The following RAB10 variants were observed in gnomAD, a reference collection of about 807,000 sequenced individuals.
RAB10 encodes RAB10, member RAS oncogene family.
RAB10 carries 5 observed loss-of-function variants against 25.7 expected under a neutral mutation model. The ratio of observed to expected loss-of-function variants is 0.19; its 90% CI spans 0.10 to 0.41. The LOEUF is 0.41. Ranked by LOEUF, RAB10 falls within the 10% of genes least tolerant of loss-of-function variation. The pLI is 1.00. For synonymous variants in RAB10, 89 were observed against 86.4 expected (o/e 1.03, Z -0.16); for missense variants, 103 against 245.8 (o/e 0.42, Z 3.89).
At chr2:26,069,165 C>A (rs1054604852) in intron 1 of RAB10, among the ~76,000 whole-genome samples, 22 of 152,274 alleles carry the variant, frequency 1.4e-4, no homozygotes, top group African/African-American at 4.3e-4. Flanking sequence ...AGGTGGTTTT[C>A]ATTTCTGCAG....
intron 1 of RAB10, among the ~76,000 whole-genome samples, chr2:26,044,059 C>T (rs898884104): frequency 6.6e-6 from 1 of 152,106 alleles, no homozygotes; most frequent in Non-Finnish European, 1.5e-5. Context: ...TGAAAAGGCT[C>T]TGGAGATCTG....
intron 1 of RAB10, among the ~76,000 whole-genome samples, chr2:26,051,853 C>A (rs1225762433): frequency 3.3e-5 from 5 of 150,368 alleles, no homozygotes; most frequent in African/African-American, 1.2e-4. Context: ...GTCAGGAGTT[C>A]CAAGACCAGC....
chr2:26,134,328 A>G (rs1022931937), intron 5 of RAB10, among the ~76,000 whole-genome samples: 6 of 151,856 alleles, frequency 4.0e-5, no homozygotes, highest in South Asian at 4.2e-4. Flanking sequence ...GTGTTGCCCA[A>G]CGTGGTTTTA....
intron 1 of RAB10, among the ~76,000 whole-genome samples, chr2:26,040,242 C>T (rs893181926): frequency 2.6e-5 from 4 of 152,192 alleles, no homozygotes; most frequent in Non-Finnish European, 4.4e-5. Flanking sequence ...GCCTCGAACT[C>T]CTGGGCTTAA....
chr2:26,047,902 T>A (rs577552494), intron 1 of RAB10, among the ~76,000 whole-genome samples: 103 of 151,904 alleles, frequency 6.8e-4, no homozygotes, highest in Non-Finnish European at 1.1e-3. Context: ...TTTTTTGTAT[T>A]TTTAGTGGAG....
chr2:26,123,502 G>C (rs1574562750), intron 3 of RAB10, among the ~76,000 whole-genome samples: 1 of 152,314 alleles, frequency 6.6e-6, no homozygotes, highest in Admixed American at 6.5e-5. Flanking sequence ...TACCGATGTT[G>C]AGCATGATTT....
chr2:26,136,563 G>A lies in RAB10; in HGVS notation c.*1542G>A, dbSNP rs1668117709. The A allele has an allele frequency of 6.6e-6, 1 of 152,540 alleles. No homozygotes were observed. The highest frequency in any genetic ancestry group is 2.1e-4 in the South Asian group (1 of 4,820). 9.4% of individuals were successfully genotyped at this position (152,540 alleles called of 1,614,324 possible). A position where few individuals can be genotyped will look rare whatever the true frequency, so the allele number is the denominator to read the frequency against. On this transcript the variant is annotated 3_prime_UTR_variant, in exon 6 of 6. Transcript: ENST00000264710. Reference sequence around the variant, plus strand: ...GTTTTGCTTCATTGCTTATCATTAGGATAGGGTAAGTGAAGTTTGCTATGC... The same window carrying A: ...GTTTTGCTTCATTGCTTATCATTAGAATAGGGTAAGTGAAGTTTGCTATGC...
intron 1 of RAB10, among the ~76,000 whole-genome samples, chr2:26,043,000 A>T (rs896539277): frequency 2.6e-5 from 4 of 152,198 alleles, no homozygotes; most frequent in African/African-American, 9.6e-5. Context: ...ACCTTGGTGC[A>T]TTGCTGGTGG....
intron 1 of RAB10, among the ~76,000 whole-genome samples, chr2:26,037,533 G>A (rs886630105): frequency 6.6e-6 from 1 of 152,074 alleles, no homozygotes; most frequent in Non-Finnish European, 1.5e-5. Context: ...CAGTTACTCA[G>A]GAGGCTGAGG....
chr2:26,094,510 T>C (rs1667170542), intron 1 of RAB10, among the ~76,000 whole-genome samples: 1 of 152,040 alleles, frequency 6.6e-6, no homozygotes, highest in Non-Finnish European at 1.5e-5. Flanking sequence ...CCTCAGCCTC[T>C]GAACGTGCTG....
At chr2:26,042,699 C>T (rs147853444) in intron 1 of RAB10, 2 of 151,560 alleles carry the variant, frequency 1.3e-5, no homozygotes, top group African/African-American at 2.4e-5. Context: ...AGCATATATA[C>T]TAAAATTGGA....
intron 1 of RAB10, among the ~76,000 whole-genome samples, chr2:26,071,149 T>C (rs1424750478): frequency 6.6e-6 from 1 of 152,228 alleles, no homozygotes. Context: ...TATATCTTTT[T>C]GGTGTATGAT....
At chr2:26,121,253 G>A (rs560043845) in intron 3 of RAB10, among the ~76,000 whole-genome samples, 105 of 152,176 alleles carry the variant, frequency 6.9e-4, no homozygotes, top group African/African-American at 2.1e-3. Context: ...TAAGGGTATC[G>A]TCCTTGCAAC....
intron 1 of RAB10, among the ~76,000 whole-genome samples, chr2:26,089,862 T>C (rs1217250456): frequency 6.6e-6 from 1 of 152,126 alleles, no homozygotes; most frequent in Non-Finnish European, 1.5e-5. Flanking sequence ...GTACTATAAT[T>C]GCATTTTCTT....
At chr2:26,085,554 C>G (rs969087617) in intron 1 of RAB10, among the ~76,000 whole-genome samples, 6 of 151,434 alleles carry the variant, frequency 4.0e-5, no homozygotes, top group African/African-American at 1.5e-4. Flanking sequence ...GACCTTCTTC[C>G]AAGTGTATTT....
chr2:26,079,776 T>C (rs2117278), intron 1 of RAB10, among the ~76,000 whole-genome samples: 117,170 of 151,994 alleles, frequency 0.77, 45,201 homozygotes, highest in East Asian at 0.87. Flanking sequence ...AGTGATCCTC[T>C]TGCCTTAGCC....
At chr2:26,052,025 C>G (rs1163401324) in intron 1 of RAB10, among the ~76,000 whole-genome samples, 3 of 151,730 alleles carry the variant, frequency 2.0e-5, no homozygotes. Context: ...CCACTGCACT[C>G]CAGCCTGGGC....
chr2:26,075,359 G>C (rs887887247), intron 1 of RAB10, among the ~76,000 whole-genome samples: 1 of 152,104 alleles, frequency 6.6e-6, no homozygotes, highest in African/African-American at 2.4e-5. Context: ...ATTAAGTCAT[G>C]TATTGCCCGA....
intron 1 of RAB10, among the ~76,000 whole-genome samples, chr2:26,044,686 C>T (rs920250793): frequency 5.3e-5 from 8 of 152,014 alleles, no homozygotes; most frequent in African/African-American, 1.7e-4. Context: ...GCTGGGATTA[C>T]AGGCATGAGC....
Sources: gnomAD v4.1 joint callset for allele counts (sites outside exome capture counted in the v4.1 genomes callset) on GRCh38, gnomAD v4.1.1 for gene constraint, MANE v1.5 for transcripts, NCBI Gene and HGNC (gene_info 2026-07-23, HGNC 2026-07-21) for gene names.